SLC44A5: variants seen among roughly 807,000 people sequenced by gnomAD.
SLC44A5 encodes the protein solute carrier family 44 member 5.
In SLC44A5, 57 loss-of-function variants were observed where a neutral mutation model predicts 101.8. That is an observed-to-expected ratio of 0.56 (90% CI 0.45 to 0.70). SLC44A5 has a LOEUF of 0.70. Ranked by LOEUF, SLC44A5 falls within the 30% of genes least tolerant of loss-of-function variation. The probability of loss-of-function intolerance (pLI) is 0.00; values close to 1 mark genes in which losing one functional copy is unlikely to be tolerated. For missense variants in SLC44A5, 737 were observed against 853.1 expected (o/e 0.86, Z 1.70); for synonymous variants, 281 against 290.9 (o/e 0.97, Z 0.35).
chr1:75,630,058 A>G, the SLC44A5 span, among the ~76,000 whole-genome samples: 3 of 152,140 alleles, frequency 2.0e-5, no homozygotes, highest in Non-Finnish European at 4.4e-5. Context: ...CATCCCCCCA[A>G]TTTGCTAGTC....
chr1:75,236,491 G>T (rs1286167665), intron 11 of SLC44A5, among the ~76,000 whole-genome samples: 1 of 151,866 alleles, frequency 6.6e-6, no homozygotes, highest in Admixed American at 6.6e-5. Flanking sequence ...CGCATATGTA[G>T]CTATGTAGCT....
intron 7 of SLC44A5, among the ~76,000 whole-genome samples, chr1:75,250,097 C>T (rs929188968): frequency 6.6e-6 from 1 of 151,864 alleles, no homozygotes; most frequent in African/African-American, 2.4e-5. Flanking sequence ...ATTTCATTAC[C>T]CAGGTATTAA....
chr1:75,434,399 G>A (rs575953838), intron 2 of SLC44A5, among the ~76,000 whole-genome samples: 3 of 151,938 alleles, frequency 2.0e-5, no homozygotes, highest in Non-Finnish European at 2.9e-5. Context: ...AATCTCATCC[G>A]TTCCCAACCC....
At chr1:75,543,894 T>C (rs1436363009) in intron 1 of SLC44A5, among the ~76,000 whole-genome samples, 1 of 152,040 alleles carries the variant, frequency 6.6e-6, no homozygotes, top group Non-Finnish European at 1.5e-5. Context: ...CAATGTCAAA[T>C]GCTTTCTATT....
intron 7 of SLC44A5, among the ~76,000 whole-genome samples, chr1:75,244,274 G>A (rs1648915056): frequency 1.3e-5 from 2 of 152,034 alleles, no homozygotes; most frequent in Non-Finnish European, 2.9e-5. Flanking sequence ...GTAGTTCTAT[G>A]CCATTTTATC....
intron 3 of SLC44A5, chr1:75,357,311 T>C (rs1000951144): frequency 2.3e-6 from 1 of 436,186 alleles, no homozygotes; most frequent in African/African-American, 2.0e-5. Context: ...TACTATTCAT[T>C]GATAGAGAGC....
intron 2 of SLC44A5, among the ~76,000 whole-genome samples, chr1:75,470,471 C>G (rs1020343830): frequency 6.6e-6 from 1 of 152,100 alleles, no homozygotes; most frequent in Non-Finnish European, 1.5e-5. Flanking sequence ...AATTTATAGT[C>G]TAGTGAGGAC....
At chr1:75,615,992 T>G, upstream of SLC44A5, 1 of 619,178 alleles carries the variant, frequency 1.6e-6, no homozygotes, top group Non-Finnish European at 2.0e-6. Context: ...AGCTCTTTGT[T>G]GCTGTGATGG....
intron 1 of SLC44A5, among the ~76,000 whole-genome samples, chr1:75,590,280 T>C (rs142450514): frequency 3.7e-4 from 56 of 152,202 alleles, no homozygotes; most frequent in African/African-American, 1.3e-3. Flanking sequence ...TTCTAGGCCC[T>C]AGCTGACAGA....
At chr1:75,618,978 G>A in the SLC44A5 span, among the ~76,000 whole-genome samples, 1 of 150,406 alleles carries the variant, frequency 6.6e-6, no homozygotes, top group Non-Finnish European at 1.5e-5. Flanking sequence ...GCTGAGACAG[G>A]AGAATCGCTT....
chr1:75,215,499 C>T (rs1400804144), intron 19 of SLC44A5, among the ~76,000 whole-genome samples: 1 of 152,078 alleles, frequency 6.6e-6, no homozygotes, highest in Admixed American at 6.6e-5. Context: ...TTATCCAACA[C>T]ACTTATAAGT....
intron 4 of SLC44A5, among the ~76,000 whole-genome samples, chr1:75,331,195 C>T (rs1291548401): frequency 6.6e-6 from 1 of 152,114 alleles, no homozygotes; most frequent in African/African-American, 2.4e-5. Context: ...AATTCTTGAT[C>T]ACCAGCCCTC....
chr1:75,465,877 A>C (rs1331568477), intron 2 of SLC44A5, among the ~76,000 whole-genome samples: 2 of 152,220 alleles, frequency 1.3e-5, no homozygotes, highest in African/African-American at 4.8e-5. Flanking sequence ...ACAAGATTGA[A>C]GCTGTTATAA....
Position 75,233,990 on chromosome 1 carries a change from A to C in SLC44A5, c.849T>G (p.Gly283=). 6.2e-7 allele frequency: 1 copy of C among 1,603,796 alleles called. No individual in the cohort carries two copies. The highest frequency in any genetic ancestry group is 8.5e-7 in the Non-Finnish European group (1 of 1,171,108). Reference sequence around the variant, plus strand: ...TTGAAGAGGAGTGATACCTACCATAACCTATAATTCCAATCACACCAATCA... The same window carrying C: ...TTGAAGAGGAGTGATACCTACCATACCCTATAATTCCAATCACACCAATCA... The part of the protein sequence containing the change: ...VFMIGVIGII[G]YGIWHCYQQY... Residue 283 remains glycine (G), a synonymous_variant, in exon 12 of 24, where the codon GGT becomes GGG. Transcript: ENST00000370859.
the SLC44A5 span, among the ~76,000 whole-genome samples, chr1:75,636,904 A>G: frequency 1.3e-5 from 2 of 152,030 alleles, no homozygotes; most frequent in Non-Finnish European, 2.9e-5. Flanking sequence ...CCAAAGCACA[A>G]AAGCAGGAAG....
At position 75,237,003 on chromosome 1, in the gene SLC44A5, A is replaced by T; in HGVS notation, c.724T>A (p.Trp242Arg). 1 of 1,593,708 alleles carries T rather than the reference A, an allele frequency of 6.3e-7. No homozygotes were observed. The change falls in exon 11 of 24, where the codon TGG becomes AGG. Residue 242 changes from tryptophan to arginine, a missense_variant. Trp to Arg is a moderately radical substitution (Grantham distance 101, BLOSUM62 -3). Coordinates refer to ENST00000370859, the MANE Select transcript of SLC44A5 (RefSeq NM_001130058.2). ...LKVFEDYART[W>R]YWILIGLTIA... Reference sequence around the variant, plus strand: ...TTCACTTACATGAGAATCCAATACCAAGTTCTTGCATAGTCTTCAAACACT... The same window carrying T: ...TTCACTTACATGAGAATCCAATACCTAGTTCTTGCATAGTCTTCAAACACT...
At chr1:75,528,561 G>A (rs181624856) in intron 2 of SLC44A5, among the ~76,000 whole-genome samples, 18 of 152,158 alleles carry the variant, frequency 1.2e-4, no homozygotes, top group Admixed American at 9.8e-4. Flanking sequence ...AAACATGTGC[G>A]ACAGTCTCCT....
chr1:75,213,884 CTT>C, intron 21 of SLC44A5, 33 bp downstream of exon 21: 1 of 1,427,008 alleles, frequency 7.0e-7, no homozygotes, highest in Non-Finnish European at 9.6e-7. Context: ...ATCTTTTAAA[CTT>C]TTTTTTTTAT....
At chr1:75,578,845 AT>A (rs1436016277) in intron 1 of SLC44A5, among the ~76,000 whole-genome samples, 1 of 152,174 alleles carries the variant, frequency 6.6e-6, no homozygotes, top group Non-Finnish European at 1.5e-5. Flanking sequence ...TGATTTAATC[AT>A]TTTTCAATGG....
Sources: gnomAD v4.1 joint callset for allele counts (sites outside exome capture counted in the v4.1 genomes callset) on GRCh38, gnomAD v4.1.1 for gene constraint, MANE v1.5 for transcripts, NCBI Gene and HGNC (gene_info 2026-07-23, HGNC 2026-07-21) for gene names.